The following NUDT21 variants were observed in gnomAD, a reference collection of about 807,000 sequenced individuals.
NUDT21 encodes the protein nudix hydrolase 21.
Under a neutral mutation model 29.8 loss-of-function variants are expected in NUDT21, and 5 were observed. That is an observed-to-expected ratio of 0.17 (90% CI 0.09 to 0.35). The LOEUF is 0.35. Among genes scored for constraint, NUDT21 ranks in the 10% least tolerant of loss-of-function variants. The pLI, the probability that NUDT21 is intolerant of heterozygous loss-of-function variation, is 1.00. For missense variants in NUDT21, 76 were observed against 276.0 expected (o/e 0.28, Z 5.13); for synonymous variants, 113 against 98.5 (o/e 1.15, Z -0.87).
Position 56,451,112 on chromosome 16 carries a change from G to A in NUDT21, c.91C>T (p.Leu31Phe), listed in dbSNP as rs751873194. Residue 31 changes from leucine (L) to phenylalanine (F), a missense_variant, in exon 1 of 7, where the codon CTC (leucine) becomes TTC (phenylalanine). Coordinates refer to ENST00000300291, the MANE Select transcript of NUDT21 (RefSeq NM_007006.3). ...GNKYIQQTKP[L>F]TLERTINLYP... ...AGGTTGATGGTGCGCTCCAGGGTGA[G>A]GGGCTTCGTCTGCTGGATGTACTTG... 1.2e-6 allele frequency: 2 copies of A among 1,613,754 alleles called. No homozygotes were observed. Among genetic ancestry groups the A allele is most frequent in the Non-Finnish European group, 1.7e-6 (2 of 1,179,868 alleles).
chr16:56,433,028 T>G (rs1962053986), intron 6 of NUDT21, among the ~76,000 whole-genome samples: 1 of 152,226 alleles, frequency 6.6e-6, no homozygotes, highest in Admixed American at 6.5e-5. Flanking sequence ...AGTTTCTACA[T>G]GTCCTTATAC....
intron 3 of NUDT21, among the ~76,000 whole-genome samples, chr16:56,442,266 C>T (rs1354627780): frequency 6.6e-6 from 1 of 152,148 alleles, no homozygotes; most frequent in Non-Finnish European, 1.5e-5. Flanking sequence ...TATTTTATTC[C>T]ATTTTGGGGG....
intron 3 of NUDT21, among the ~76,000 whole-genome samples, chr16:56,445,441 CTT>C (rs1208968869): frequency 6.6e-6 from 1 of 152,184 alleles, no homozygotes; most frequent in Non-Finnish European, 1.5e-5. Flanking sequence ...CAATTATACT[CTT>C]TTAGTTATTT....
intron 3 of NUDT21, among the ~76,000 whole-genome samples, chr16:56,443,904 C>A (rs745943392): frequency 2.0e-5 from 3 of 152,186 alleles, no homozygotes; most frequent in Non-Finnish European, 4.4e-5. Context: ...ATTAAACAGA[C>A]GAAGACAGCT....
chr16:56,444,096 A>T (rs1377892446), intron 3 of NUDT21, among the ~76,000 whole-genome samples: 1 of 152,182 alleles, frequency 6.6e-6, no homozygotes, highest in Non-Finnish European at 1.5e-5. Flanking sequence ...CCTGGGCAAC[A>T]TAGCACGATC....
In NUDT21 at chr16:56,441,319, C is replaced by G. The variant is rs533314451; in HGVS notation, c.382-1573G>C. Reference sequence around the variant, plus strand: ...TGCCGCAATCTTGGCTCACTGCAACCTCCACCACCCAGGTCCAAGCGACTC... The same window carrying G: ...TGCCGCAATCTTGGCTCACTGCAACGTCCACCACCCAGGTCCAAGCGACTC... On this transcript the variant is annotated intron_variant, in intron 3 of 6. Coordinates refer to ENST00000300291, the MANE Select transcript of NUDT21 (RefSeq NM_007006.3). Among the ~76,000 whole-genome samples, 90 of 152,290 alleles carry G rather than the reference C, an allele frequency of 5.9e-4. 1 individual carries two copies. Among genetic ancestry groups the G allele is most frequent in the Non-Finnish European group, 1.1e-3 (73 of 68,026 alleles).
At chr16:56,449,947 A>G (rs889039402) in intron 1 of NUDT21, among the ~76,000 whole-genome samples, 1 of 152,170 alleles carries the variant, frequency 6.6e-6, no homozygotes, top group East Asian at 1.9e-4. Flanking sequence ...CTAATTCCAG[A>G]TTTTATAAAC....
At position 56,430,803 on chromosome 16, in the gene NUDT21, G is replaced by C. The variant is rs1369080616; in HGVS notation, c.*1909C>G. On this transcript the variant is annotated 3_prime_UTR_variant, in exon 7 of 7. Coordinates refer to ENST00000300291, the MANE Select transcript of NUDT21 (RefSeq NM_007006.3). ...CTTACATTTCAAGGTTAGTAACCCAGCCATCCTGAATCAAAGGTTTTTCTC... is the reference window on the plus strand; with the variant it reads ...CTTACATTTCAAGGTTAGTAACCCACCCATCCTGAATCAAAGGTTTTTCTC... The C allele has an allele frequency of 1.3e-5, 2 of 152,218 alleles. No homozygotes were observed. Among genetic ancestry groups the C allele is most frequent in the Non-Finnish European group, 2.9e-5 (2 of 68,042 alleles). 9.4% of individuals were successfully genotyped at this position (152,218 alleles called of 1,614,324 possible). A position where few individuals can be genotyped will look rare whatever the true frequency, so the allele number is the denominator to read the frequency against.
intron 3 of NUDT21, among the ~76,000 whole-genome samples, chr16:56,445,187 GA>G (rs1312546738): frequency 1.4e-3 from 196 of 141,016 alleles, no homozygotes; most frequent in Non-Finnish European, 2.5e-3. Flanking sequence ...TTCGTCTCAA[GA>G]AAAAAAAAAA....
In NUDT21 at chr16:56,429,428, C is replaced by G. The variant is rs1231157986; in HGVS notation, c.*3284G>C. The G allele has an allele frequency of 6.6e-6, 1 of 152,102 alleles. No homozygotes were observed. The highest frequency in any genetic ancestry group is 1.5e-5 in the Non-Finnish European group (1 of 68,020). 9.4% of individuals were successfully genotyped at this position (152,102 alleles called of 1,614,324 possible). Reference sequence around the variant, plus strand: ...TTATCTCTATTTTTACGATATGATCCATTACTAAGATACAAAATACACCTG... The same window carrying G: ...TTATCTCTATTTTTACGATATGATCGATTACTAAGATACAAAATACACCTG... On this transcript the variant is annotated 3_prime_UTR_variant, in exon 7 of 7. Coordinates refer to ENST00000300291, the MANE Select transcript of NUDT21 (RefSeq NM_007006.3).
intron 1 of NUDT21, 28 bp from the exon 2 acceptor site, chr16:56,448,017 T>C: frequency 6.3e-7 from 1 of 1,582,828 alleles, no homozygotes; most frequent in Non-Finnish European, 8.7e-7. Flanking sequence ...ACATCTAACA[T>C]GAGAACTGAA....
At chr16:56,449,893 C>T (rs1962264682) in intron 1 of NUDT21, among the ~76,000 whole-genome samples, 1 of 152,154 alleles carries the variant, frequency 6.6e-6, no homozygotes, top group Non-Finnish European at 1.5e-5. Context: ...GGAGTACAGT[C>T]GTGAGCCGCC....
At position 56,432,841 on chromosome 16, in the gene NUDT21, C is replaced by T. The variant is rs538306223; in HGVS notation, c.663-108G>A. The T allele has an allele frequency of 2.5e-5, 20 of 795,572 alleles. No homozygotes were observed. The South Asian group carries it at 5.0e-4, about 20-fold the overall frequency. The allele number at this position is 795,572 out of a possible 1,614,324, so 49.3% of individuals were successfully genotyped here. ...TTCTGCCCTCCCTTAGCATGTCTGG[C>T]ATTTTCTTTTTTTCCCCTTCGAATG... On this transcript the variant is annotated intron_variant, in intron 6 of 6. Transcript: ENST00000300291.
chr16:56,438,245 C>T (rs2143936894), intron 4 of NUDT21, among the ~76,000 whole-genome samples: 1 of 152,328 alleles, frequency 6.6e-6, no homozygotes, highest in Middle Eastern at 3.4e-3. Flanking sequence ...TACTTGGGCA[C>T]TCCTCTAGCA....
chr16:56,433,321 T>G (rs780143777), intron 6 of NUDT21, among the ~76,000 whole-genome samples: 3 of 152,240 alleles, frequency 2.0e-5, no homozygotes, highest in Non-Finnish European at 4.4e-5. Flanking sequence ...CATAATCCTC[T>G]GAAGTAGAGA....
chr16:56,447,744 A>G (rs755138064), intron 2 of NUDT21, 45 bp downstream of exon 2: 30 of 1,566,374 alleles, frequency 1.9e-5, no homozygotes, highest in Admixed American at 3.3e-5. Flanking sequence ...ATAAACAGCA[A>G]TCCTACTAAA....
chr16:56,438,381 C>G (rs1340345431), intron 4 of NUDT21, among the ~76,000 whole-genome samples: 3 of 152,176 alleles, frequency 2.0e-5, no homozygotes, highest in Non-Finnish European at 4.4e-5. Context: ...CCAGCAACAC[C>G]TGAAGCAAAG....
chr16:56,447,247 T>C (rs1428099982), intron 2 of NUDT21, among the ~76,000 whole-genome samples: 1 of 151,936 alleles, frequency 6.6e-6, no homozygotes, highest in African/African-American at 2.4e-5. Flanking sequence ...GATAATGGAG[T>C]CTAGAAATGC....
In NUDT21 at chr16:56,430,234, T is replaced by C. The variant is rs1195380590; in HGVS notation, c.*2478A>G. 5 of 152,214 alleles carry C rather than the reference T, an allele frequency of 3.3e-5. No homozygotes were observed. The highest frequency in any genetic ancestry group is 7.2e-5 in the African/African-American group (3 of 41,462). 9.4% of individuals were successfully genotyped at this position (152,214 alleles called of 1,614,324 possible). A position where few individuals can be genotyped will look rare whatever the true frequency, so the allele number is the denominator to read the frequency against. Reference sequence around the variant, plus strand: ...TTTTAAAAAATCACAGTGGTCTTCATCACATGGCGAAAAAACAAACTTCAC... The same window carrying C: ...TTTTAAAAAATCACAGTGGTCTTCACCACATGGCGAAAAAACAAACTTCAC... On this transcript the variant is annotated 3_prime_UTR_variant, in exon 7 of 7. Coordinates refer to ENST00000300291, the MANE Select transcript of NUDT21 (RefSeq NM_007006.3).
Sources: allele counts gnomAD v4.1 joint callset (sites outside exome capture counted in the v4.1 genomes callset), GRCh38; gene constraint gnomAD v4.1.1; transcripts MANE v1.5; gene names NCBI Gene and HGNC (gene_info 2026-07-23, HGNC 2026-07-21).